BCKDHB: variants seen among roughly 807,000 people sequenced by gnomAD.
BCKDHB encodes 2-oxoisovalerate dehydrogenase subunit beta, mitochondrial.
In BCKDHB, 41 loss-of-function variants were observed where a neutral mutation model predicts 48.5. The ratio of observed to expected loss-of-function variants is 0.85; its 90% CI spans 0.66 to 1.10. BCKDHB has a LOEUF of 1.10. Ranked by LOEUF, BCKDHB falls within the 50% of genes least tolerant of loss-of-function variation. The pLI, the probability that BCKDHB is intolerant of heterozygous loss-of-function variation, is 0.00. For synonymous variants in BCKDHB, 201 were observed against 174.8 expected, an observed-to-expected ratio of 1.15 and a Z score of -1.18; for missense variants, 496 against 494.2, an observed-to-expected ratio of 1.00 and a Z score of -0.03.
At chr6:80,339,012 A>AG (rs145355805) in intron 9 of BCKDHB, among the ~76,000 whole-genome samples, 62,450 of 151,744 alleles carry the variant, frequency 0.41, 15,401 homozygotes, top group Admixed American at 0.59. Context: ...CATAAAAAAA[A>AG]AAATTGTTGA....
chr6:80,400,230 T>C, the BCKDHB span, among the ~76,000 whole-genome samples: 2 of 151,996 alleles, frequency 1.3e-5, no homozygotes, highest in African/African-American at 4.8e-5. Context: ...AATTCACAAA[T>C]GGGATCTTAT....
the BCKDHB span, among the ~76,000 whole-genome samples, chr6:80,440,445 G>T: frequency 6.6e-6 from 1 of 152,070 alleles, no homozygotes; most frequent in Admixed American, 6.6e-5. Context: ...TATGCCTTTT[G>T]CAAGATCCCT....
intron 6 of BCKDHB, among the ~76,000 whole-genome samples, chr6:80,186,768 C>G (rs1053276064): frequency 2.6e-5 from 4 of 152,224 alleles, no homozygotes; most frequent in African/African-American, 9.6e-5. Flanking sequence ...GAGCCGGGAA[C>G]TGGGAGTGCC....
At chr6:80,273,864 A>G (rs1242147019) in intron 9 of BCKDHB, among the ~76,000 whole-genome samples, 2 of 151,994 alleles carry the variant, frequency 1.3e-5, no homozygotes, top group Admixed American at 6.6e-5. Flanking sequence ...CCTGTATTCA[A>G]ATTTATATCA....
chr6:80,408,302 G>T, the BCKDHB span, among the ~76,000 whole-genome samples: 2 of 152,138 alleles, frequency 1.3e-5, no homozygotes, highest in East Asian at 3.8e-4. Flanking sequence ...CAGGGATATT[G>T]GTCTAAAATT....
At chr6:80,249,848 C>A (rs1041129939) in intron 8 of BCKDHB, among the ~76,000 whole-genome samples, 10 of 152,086 alleles carry the variant, frequency 6.6e-5, no homozygotes, top group African/African-American at 2.2e-4. Flanking sequence ...CCTTGAAAAC[C>A]TCCTCTTAAA....
At chr6:80,161,340 C>A (rs1313100533) in intron 3 of BCKDHB, among the ~76,000 whole-genome samples, 1 of 152,080 alleles carries the variant, frequency 6.6e-6, no homozygotes, top group East Asian at 1.9e-4. Flanking sequence ...TTATGACATA[C>A]ACACTATTTA....
In BCKDHB at chr6:80,167,768, C is replaced by A; in HGVS notation, c.434C>A (p.Ala145Glu). Residue 145 changes from alanine to glutamate, a missense_variant, in exon 4 of 10, where the codon GCG (alanine) becomes GAG (glutamate). Physicochemically the swap from Ala to Glu is moderately radical, Grantham distance 107. Coordinates refer to ENST00000320393, the MANE Select transcript of BCKDHB (RefSeq NM_183050.4). Reference protein sequence around the residue: ...GIAVTGATAIAEIQFADYIFP... With the variant: ...GIAVTGATAIEEIQFADYIFP... Reference sequence around the variant, plus strand: ...GCGGTCACTGGAGCTACTGCCATTGCGGAAATTCAGTTTGCAGATTATATT... The same window carrying A: ...GCGGTCACTGGAGCTACTGCCATTGAGGAAATTCAGTTTGCAGATTATATT... 1.2e-6 allele frequency: 2 copies of A among 1,613,802 alleles called. No individual in the cohort carries two copies. The highest frequency in any genetic ancestry group is 1.7e-6 in the Non-Finnish European group (2 of 1,179,828).
intron 3 of BCKDHB, among the ~76,000 whole-genome samples, chr6:80,150,683 A>G (rs991540772): frequency 6.6e-6 from 1 of 151,538 alleles, no homozygotes; most frequent in Non-Finnish European, 1.5e-5. Flanking sequence ...CAGCCTCCCA[A>G]GTAGCTGGGA....
intron 9 of BCKDHB, among the ~76,000 whole-genome samples, chr6:80,329,221 A>G (rs1353515557): frequency 6.6e-6 from 1 of 152,186 alleles, no homozygotes; most frequent in African/African-American, 2.4e-5. Context: ...AGTTTCTGAG[A>G]AATGGGCATT....
At chr6:80,361,766 C>T in the BCKDHB span, among the ~76,000 whole-genome samples, 3 of 152,134 alleles carry the variant, frequency 2.0e-5, no homozygotes, top group African/African-American at 7.2e-5. Flanking sequence ...GCTTGGAAGC[C>T]GCACATGAAA....
chr6:80,366,628 AG>A, the BCKDHB span, among the ~76,000 whole-genome samples: 1 of 152,214 alleles, frequency 6.6e-6, no homozygotes, highest in African/African-American at 2.4e-5. Flanking sequence ...CTCATTTCAT[AG>A]TGTAGTGCCC....
chr6:80,148,406 C>G (rs1259989143), intron 3 of BCKDHB, among the ~76,000 whole-genome samples: 3 of 152,082 alleles, frequency 2.0e-5, no homozygotes, highest in African/African-American at 7.2e-5. Context: ...AGCTCTTTCT[C>G]TTAGATCCTG....
At chr6:80,329,147 A>G (rs992153746) in intron 9 of BCKDHB, among the ~76,000 whole-genome samples, 2 of 152,226 alleles carry the variant, frequency 1.3e-5, no homozygotes, top group Non-Finnish European at 2.9e-5. Flanking sequence ...AAGGATTCCA[A>G]TTACTTACAA....
intron 3 of BCKDHB, among the ~76,000 whole-genome samples, chr6:80,159,731 C>G (rs1772222797): frequency 6.6e-6 from 1 of 152,148 alleles, no homozygotes; most frequent in Non-Finnish European, 1.5e-5. Flanking sequence ...ATTTCTGTCT[C>G]CCACTGTTAC....
At chr6:80,455,727 A>C in the BCKDHB span, among the ~76,000 whole-genome samples, 3 of 152,048 alleles carry the variant, frequency 2.0e-5, no homozygotes, top group South Asian at 6.3e-4. Flanking sequence ...CCCCTTCTGC[A>C]ATTCTTAAAA....
chr6:80,256,650 G>C (rs1582451401), intron 8 of BCKDHB, among the ~76,000 whole-genome samples: 1 of 152,102 alleles, frequency 6.6e-6, no homozygotes, highest in East Asian at 1.9e-4. Flanking sequence ...TTTTTATTTG[G>C]AAAGTTAACA....
At chr6:80,294,157 A>C (rs775239963) in intron 9 of BCKDHB, among the ~76,000 whole-genome samples, 3 of 152,200 alleles carry the variant, frequency 2.0e-5, no homozygotes, top group Non-Finnish European at 4.4e-5. Context: ...AGGGACCCCG[A>C]ATGGAGGGAC....
intron 8 of BCKDHB, among the ~76,000 whole-genome samples, chr6:80,206,331 C>G (rs2127832631): frequency 6.6e-6 from 1 of 152,144 alleles, no homozygotes; most frequent in South Asian, 2.1e-4. Context: ...TCTGGAACTT[C>G]TATAAACCAG....
Sources: gnomAD v4.1 joint callset for allele counts (sites outside exome capture counted in the v4.1 genomes callset) on GRCh38, gnomAD v4.1.1 for gene constraint, MANE v1.5 for transcripts, NCBI Gene and HGNC (gene_info 2026-07-23, HGNC 2026-07-21) for gene names.